The following SARS2 variants were observed in gnomAD, a reference collection of about 807,000 sequenced individuals.
The protein encoded by SARS2 is serine--tRNA ligase, mitochondrial.
A neutral mutation model predicts 66.8 loss-of-function variants in SARS2; 52 were observed. That is an observed-to-expected ratio of 0.78 (90% CI 0.62 to 0.98). SARS2 has a LOEUF of 0.98. Among genes scored for constraint, SARS2 ranks in the 50% least tolerant of loss-of-function variants. SARS2 has a pLI of 0.00. For missense variants in SARS2, 673 were observed against 706.3 expected, an observed-to-expected ratio of 0.95 and a Z score of 0.53; for synonymous variants, 306 against 281.4, an observed-to-expected ratio of 1.09 and a Z score of -0.87.
At chr19:38,925,815 C>T (rs1307733896) in intron 2 of SARS2, among the ~76,000 whole-genome samples, 3 of 152,088 alleles carry the variant, frequency 2.0e-5, no homozygotes, top group African/African-American at 7.2e-5. Flanking sequence ...CCACATTGTT[C>T]ACGCTTGCTT....
intron 12 of SARS2, 50 bp from the exon 13 acceptor site, chr19:38,916,364 G>A (rs749696252): frequency 6.5e-6 from 10 of 1,527,020 alleles, no homozygotes; most frequent in African/African-American, 1.4e-5. Context: ...GAGAGGAGGA[G>A]CAAGAGGAAC....
chr19:38,921,764 A>G lies in SARS2; in HGVS notation c.394-97T>C, dbSNP rs75345221. The G allele has an allele frequency of 0.018, 27,417 of 1,518,082 alleles. 313 individuals are homozygous for G. Among genetic ancestry groups the G allele is most frequent in the South Asian group, 0.03 (2,468 of 82,510 alleles). The allele number at this position is 1,518,082 out of a possible 1,614,324, so 94.0% of individuals were successfully genotyped here. ...GACCGGCAGAGCCCCTGTGGTGGAC[A>G]TTCATGCCTCTTCTCCAGGCCCAGG... On this transcript the variant is annotated intron_variant, in intron 3 of 15. Coordinates refer to ENST00000221431, the MANE Select transcript of SARS2 (RefSeq NM_017827.4).
chr19:38,921,096 T>C lies in SARS2; in HGVS notation c.589+296A>G, dbSNP rs548630890. Among the ~76,000 whole-genome samples, 261 of 126,036 alleles carry C rather than the reference T, an allele frequency of 2.1e-3. 1 individual carries two copies. Among genetic ancestry groups the C allele is most frequent in the African/African-American group, 7.2e-3 (240 of 33,410 alleles). 82.7% of individuals were successfully genotyped at this position (126,036 alleles called of 152,430 possible). The stretch of plus-strand genomic sequence containing the variant: ...ACAGACACACAGATACAGACACACA[T>C]GACACACAGTCACACAACACATACA... On this transcript the variant is annotated intron_variant, in intron 5 of 15. Coordinates refer to ENST00000221431, the MANE Select transcript of SARS2 (RefSeq NM_017827.4).
At chr19:38,915,799 G>A (rs200161472) in intron 15 of SARS2, 42 bp downstream of exon 15, 10 of 1,612,804 alleles carry the variant, frequency 6.2e-6, no homozygotes, top group African/African-American at 1.3e-5. Context: ...AGCCCTCCCC[G>A]GCGCTGAGCT....
rs751913579 is a variant in SARS2, at chr19:38,917,979, G to C, written c.992C>G (p.Ala331Gly). ...GGGTTCCTGTCCCGTGTTTGTCTCT[G>C]CCCGGTAGCAGGTGCTGGAGCAAAC... Reference protein sequence around the residue: ...RMVCSSTCYRAETNTGQEPRG... With the variant: ...RMVCSSTCYRGETNTGQEPRG... Residue 331 changes from alanine to glycine, a missense_variant, in exon 11 of 16, where the codon GCA (alanine) becomes GGA (glycine). By Grantham distance (60) the Ala-to-Gly change is moderately conservative. Coordinates refer to ENST00000221431, the MANE Select transcript of SARS2 (RefSeq NM_017827.4). 6.2e-7 allele frequency: 1 copy of C among 1,605,404 alleles called. No individual in the cohort carries two copies. Among genetic ancestry groups the C allele is most frequent in the Non-Finnish European group, 8.5e-7 (1 of 1,175,738 alleles).
rs757508012 is a variant in SARS2 at position 38,917,982 on chromosome 19, C to G, written c.989G>C (p.Arg330Pro). 6.2e-7 allele frequency: 1 copy of G among 1,604,430 alleles called. No homozygotes were observed. The highest frequency in any genetic ancestry group is 8.5e-7 in the Non-Finnish European group (1 of 1,175,286). The change falls in exon 11 of 16, where the codon CGG (arginine) becomes CCG (proline). Residue 330 changes from arginine to proline, a missense_variant. Transcript: ENST00000221431. ...TTCCTGTCCCGTGTTTGTCTCTGCC[C>G]GGTAGCAGGTGCTGGAGCAAACCAT... ...VRMVCSSTCY[R>P]AETNTGQEPR...
In SARS2 at chr19:38,925,515, C is replaced by T. The variant is rs189727442; in HGVS notation, c.363+690G>A. 4.6e-5 allele frequency among the ~76,000 whole-genome samples: 7 copies of T among 152,078 alleles called. No individual in the cohort carries two copies. The East Asian group carries it at 9.7e-4, about 21-fold the overall frequency. On this transcript the variant is annotated intron_variant, in intron 2 of 15. Coordinates refer to ENST00000221431, the MANE Select transcript of SARS2 (RefSeq NM_017827.4). Reference sequence around the variant, plus strand: ...GGTGGGGGTCTGGGCCCAGGGGACACGAGGGGACTTTGCTGGATGCTTCAG... The same window carrying T: ...GGTGGGGGTCTGGGCCCAGGGGACATGAGGGGACTTTGCTGGATGCTTCAG...
At chr19:38,920,225 C>T in intron 5 of SARS2, 76 bp from the exon 6 acceptor site, 1 of 1,180,876 alleles carries the variant, frequency 8.5e-7, no homozygotes, top group Non-Finnish European at 1.2e-6. Context: ...CTTCCAGAGA[C>T]AGCAGAGAGG....
At chr19:38,920,198 TG>T in intron 5 of SARS2, 49 bp from the exon 6 acceptor site, 2 of 1,449,110 alleles carry the variant, frequency 1.4e-6, no homozygotes, top group Middle Eastern at 1.7e-4. Context: ...GAGAGAGGGA[TG>T]GGGCCCAGAT....
intron 1 of SARS2, chr19:38,928,461 A>G (rs562005791): frequency 7.0e-6 from 1 of 142,724 alleles, no homozygotes; most frequent in East Asian, 2.1e-4. Context: ...CACTTTACAA[A>G]TGAAAGAGAA....
intron 2 of SARS2, among the ~76,000 whole-genome samples, chr19:38,922,967 G>T (rs1974564580): frequency 1.3e-5 from 2 of 150,318 alleles, no homozygotes; most frequent in Admixed American, 1.3e-4. Context: ...GCAATGGCGC[G>T]ATCTTGGCTC....
Position 38,915,586 on chromosome 19 carries a change from G to T in SARS2, c.*20C>A, listed in dbSNP as rs1209496041. 4 of 1,610,306 alleles carry T rather than the reference G, an allele frequency of 2.5e-6. No individual in the cohort carries two copies. The Admixed American group carries it at 6.7e-5, about 27-fold the overall frequency. ...CTCCAGGAAGCAGTGACACCCCCGAGGGCTGCTGTGGGTGGGTTCTTAGCT... is the reference window on the plus strand; with the variant it reads ...CTCCAGGAAGCAGTGACACCCCCGATGGCTGCTGTGGGTGGGTTCTTAGCT... On this transcript the variant is annotated 3_prime_UTR_variant, in exon 16 of 16. Coordinates refer to ENST00000221431, the MANE Select transcript of SARS2 (RefSeq NM_017827.4).
chr19:38,921,892 A>G, intron 3 of SARS2: 2 of 1,409,938 alleles, frequency 1.4e-6, no homozygotes, highest in South Asian at 1.2e-5. Context: ...CTTGGCCACA[A>G]TGACTGGCTC....
In SARS2 at chr19:38,915,501, G is replaced by A; in HGVS notation, c.*105C>T. 7.1e-7 allele frequency: 1 copy of A among 1,401,076 alleles called. No individual in the cohort carries two copies. The allele number at this position is 1,401,076 out of a possible 1,614,324, so 86.8% of individuals were successfully genotyped here. On this transcript the variant is annotated 3_prime_UTR_variant, in exon 16 of 16. Coordinates refer to ENST00000221431, the MANE Select transcript of SARS2 (RefSeq NM_017827.4). ...GGCCCGGGCGTGGAGCTGACAGGAAGAACACAGATGTCAGGACGGGCTCAG... is the reference window on the plus strand; with the variant it reads ...GGCCCGGGCGTGGAGCTGACAGGAAAAACACAGATGTCAGGACGGGCTCAG...
At chr19:38,930,376 C>T in intron 1 of SARS2, 94 bp downstream of exon 1, 1 of 1,459,220 alleles carries the variant, frequency 6.9e-7, no homozygotes, top group Non-Finnish European at 9.1e-7. Context: ...AAAATTCCTA[C>T]TACAGGTTCG....
chr19:38,925,124 G>A (rs1176002166), intron 2 of SARS2, among the ~76,000 whole-genome samples: 3 of 152,102 alleles, frequency 2.0e-5, no homozygotes, highest in Admixed American at 2.0e-4. Flanking sequence ...GACCAGCCTG[G>A]CCAACATGGT....
At position 38,916,204 on chromosome 19, in the gene SARS2, A is replaced by G. The variant is rs1468125032; in HGVS notation, c.1254+17T>C. The G allele has an allele frequency of 1.1e-5, 17 of 1,613,676 alleles. No homozygotes were observed. The highest frequency in any genetic ancestry group is 1.4e-5 in the Non-Finnish European group (17 of 1,179,654). ...CTGTCCTCCTGCCCACCCCGTCCCC[A>G]GCGGCACAGGGCTCACCTCTCCAAA... On this transcript the variant is annotated intron_variant, in intron 13 of 15. Coordinates refer to ENST00000221431, the MANE Select transcript of SARS2 (RefSeq NM_017827.4).
chr19:38,928,625 C>T (rs896144172), intron 1 of SARS2, among the ~76,000 whole-genome samples: 3 of 152,064 alleles, frequency 2.0e-5, no homozygotes, highest in South Asian at 2.1e-4. Flanking sequence ...AAGGATGTGA[C>T]GCTCTAAATT....
intron 3 of SARS2, 164 bp from the exon 4 acceptor site, chr19:38,921,831 C>G: frequency 1.5e-6 from 2 of 1,320,658 alleles, no homozygotes; most frequent in Non-Finnish European, 2.1e-6. Context: ...CACCACATGG[C>G]AGGTTTGTGG....
Sources: allele counts gnomAD v4.1 joint callset (sites outside exome capture counted in the v4.1 genomes callset), GRCh38; gene constraint gnomAD v4.1.1; transcripts MANE v1.5; gene names NCBI Gene and HGNC (gene_info 2026-07-23, HGNC 2026-07-21).